MALRD1: variants seen among roughly 807,000 people sequenced by gnomAD.
The protein encoded by MALRD1 is MAM and LDL receptor class A domain containing 1.
A neutral mutation model predicts 242.1 loss-of-function variants in MALRD1; 247 were observed. That is an observed-to-expected ratio of 1.02 (90% CI 0.92 to 1.13). The LOEUF (loss-of-function observed/expected upper bound fraction) is 1.13, where lower values mean the gene tolerates loss of function less well. Among genes scored for constraint, MALRD1 ranks in the 50% most tolerant of loss-of-function variants. MALRD1 has a pLI of 0.00. For synonymous variants in MALRD1, 995 were observed against 866.6 expected (o/e 1.15, Z -2.60); for missense variants, 2,989 against 2,533.1 (o/e 1.18, Z -3.86).
Position 19,734,438 on chromosome 10 carries a change from C to G in MALRD1, c.*201C>G. On this transcript the variant is annotated 3_prime_UTR_variant, in exon 40 of 40. Coordinates refer to ENST00000454679, the MANE Select transcript of MALRD1 (RefSeq NM_001142308.3). The stretch of plus-strand genomic sequence containing the variant: ...AATCAGAATCAGTACCTTATCTTCA[C>G]TGAACATCTGAATATTTTAATAAAA... 2.7e-6 allele frequency: 1 copy of G among 375,644 alleles called. No individual in the cohort carries two copies. 23.3% of individuals were successfully genotyped at this position (375,644 alleles called of 1,614,324 possible).
intron 21 of MALRD1, among the ~76,000 whole-genome samples, chr10:19,301,987 A>G (rs1487956996): frequency 6.6e-6 from 1 of 151,872 alleles, no homozygotes; most frequent in Non-Finnish European, 1.5e-5. Flanking sequence ...AAGTTATACA[A>G]ACAGCTAAAA....
At chr10:19,455,847 C>A (rs1405472057) in intron 29 of MALRD1, among the ~76,000 whole-genome samples, 1 of 152,118 alleles carries the variant, frequency 6.6e-6, no homozygotes, top group Non-Finnish European at 1.5e-5. Flanking sequence ...GTGTGCATTC[C>A]AGAGTGTTCA....
At chr10:19,714,468 A>G (rs772459170) in intron 38 of MALRD1, among the ~76,000 whole-genome samples, 23 of 151,842 alleles carry the variant, frequency 1.5e-4, no homozygotes, top group Non-Finnish European at 3.1e-4. Context: ...TCTGTCTGCT[A>G]GGGTCTCGGG....
chr10:19,682,268 C>G (rs1336133527), intron 36 of MALRD1, among the ~76,000 whole-genome samples: 1 of 152,042 alleles, frequency 6.6e-6, no homozygotes, highest in Non-Finnish European at 1.5e-5. Flanking sequence ...GATGGGCACA[C>G]AATGACAATA....
intron 36 of MALRD1, among the ~76,000 whole-genome samples, chr10:19,620,694 T>G (rs2131621703): frequency 6.6e-6 from 1 of 152,200 alleles, no homozygotes; most frequent in South Asian, 2.1e-4. Flanking sequence ...TCAATACATT[T>G]TCATGACCCA....
At chr10:19,296,286 T>C (rs1363308576) in intron 21 of MALRD1, among the ~76,000 whole-genome samples, 3 of 152,150 alleles carry the variant, frequency 2.0e-5, no homozygotes, top group Non-Finnish European at 4.4e-5. Context: ...ATGTAATTAT[T>C]TCCTCTGCCA....
At chr10:19,493,976 G>T (rs997991942) in intron 30 of MALRD1, among the ~76,000 whole-genome samples, 7 of 152,196 alleles carry the variant, frequency 4.6e-5, no homozygotes, top group Middle Eastern at 3.4e-3. Flanking sequence ...GTAAAAACTT[G>T]GACAAATTCA....
chr10:19,463,218 A>T (rs1836032702), intron 29 of MALRD1, among the ~76,000 whole-genome samples: 1 of 152,138 alleles, frequency 6.6e-6, no homozygotes. Context: ...GTGTTTGGTT[A>T]CATGAGTACG....
At chr10:19,534,651 A>T (rs1473408529) in intron 32 of MALRD1, among the ~76,000 whole-genome samples, 1 of 152,162 alleles carries the variant, frequency 6.6e-6, no homozygotes, top group Non-Finnish European at 1.5e-5. Flanking sequence ...CATAAAACAA[A>T]TCTTAAAAGA....
chr10:19,373,759 T>G (rs1275755936), intron 26 of MALRD1, among the ~76,000 whole-genome samples: 4 of 152,206 alleles, frequency 2.6e-5, no homozygotes, highest in Non-Finnish European at 5.9e-5. Context: ...CTAAAAATTA[T>G]GAAGGTCAAT....
At chr10:19,152,257 A>G (rs1016021138) in intron 11 of MALRD1, among the ~76,000 whole-genome samples, 1 of 152,222 alleles carries the variant, frequency 6.6e-6, no homozygotes, top group African/African-American at 2.4e-5. Context: ...GGCTGATAGG[A>G]AGATAAATCA....
At chr10:19,076,371 AC>A (rs1331680845) in intron 2 of MALRD1, among the ~76,000 whole-genome samples, 1 of 151,948 alleles carries the variant, frequency 6.6e-6, no homozygotes, top group Non-Finnish European at 1.5e-5. Context: ...TTTAGGTGTT[AC>A]ATTTAAGAAA....
chr10:19,671,042 C>A (rs1019872858), intron 36 of MALRD1, among the ~76,000 whole-genome samples: 5 of 151,940 alleles, frequency 3.3e-5, no homozygotes, highest in African/African-American at 1.2e-4. Context: ...CCACGCCTGG[C>A]TAATTTTTTT....
intron 18 of MALRD1, among the ~76,000 whole-genome samples, chr10:19,254,101 T>C (rs935717018): frequency 5.3e-5 from 8 of 152,066 alleles, no homozygotes; most frequent in African/African-American, 1.9e-4. Context: ...CAATTAAGCC[T>C]CTTTTCTTTG....
intron 36 of MALRD1, among the ~76,000 whole-genome samples, chr10:19,631,652 C>G (rs1839910131): frequency 6.6e-6 from 1 of 152,142 alleles, no homozygotes; most frequent in Non-Finnish European, 1.5e-5. Context: ...TCACCAGCAT[C>G]TGTTATTTTT....
chr10:19,299,251 G>A lies in MALRD1; in HGVS notation c.3419+16070G>A, dbSNP rs553269152. On this transcript the variant is annotated intron_variant, in intron 21 of 39. Transcript: ENST00000454679. The stretch of plus-strand genomic sequence containing the variant: ...AGTATAAAAAGCAGTATAAGGGGGC[G>A]CTTCACATGATAAGTGCCTTGGGAA... 2.3e-4 allele frequency among the ~76,000 whole-genome samples: 35 copies of A among 152,022 alleles called. No individual in the cohort carries two copies. The South Asian group carries it at 6.5e-3, about 28-fold the overall frequency.
intron 33 of MALRD1, among the ~76,000 whole-genome samples, chr10:19,573,139 G>A (rs1012290984): frequency 6.6e-6 from 1 of 152,188 alleles, no homozygotes; most frequent in African/African-American, 2.4e-5. Flanking sequence ...ACCCCACTGA[G>A]CCATGAGCTC....
At chr10:19,430,943 G>A (rs1387271797) in intron 28 of MALRD1, among the ~76,000 whole-genome samples, 18 of 152,018 alleles carry the variant, frequency 1.2e-4, no homozygotes, top group Admixed American at 1.2e-3. Context: ...GAGTAAGTAA[G>A]AAAAAAATAA....
At chr10:19,589,969 A>T (rs1472600468) in intron 33 of MALRD1, among the ~76,000 whole-genome samples, 2 of 152,182 alleles carry the variant, frequency 1.3e-5, no homozygotes, top group Admixed American at 1.3e-4. Flanking sequence ...AACTACTGTC[A>T]GGACCGACCT....
Sources: allele counts gnomAD v4.1 joint callset (sites outside exome capture counted in the v4.1 genomes callset), GRCh38; gene constraint gnomAD v4.1.1; transcripts MANE v1.5; gene names NCBI Gene and HGNC (gene_info 2026-07-23, HGNC 2026-07-21).